Variants in FGF12 observed in about 807,000 individuals in gnomAD.
FGF12 encodes fibroblast growth factor 12B.
FGF12 carries 14 observed loss-of-function variants against 23.6 expected under a neutral mutation model. The observed-to-expected ratio is 0.59, with a 90% confidence interval of 0.39 to 0.93. The LOEUF is 0.93. FGF12 is among the 40% of genes least tolerant of loss of function. The pLI, the probability that FGF12 is intolerant of heterozygous loss-of-function variation, is 0.00. For synonymous variants in FGF12, 62 were observed against 77.3 expected, an observed-to-expected ratio of 0.80 and a Z score of 1.04; for missense variants, 175 against 217.8, an observed-to-expected ratio of 0.80 and a Z score of 1.24.
At chr3:192,352,395 T>C (rs939598379) in intron 3 of FGF12, among the ~76,000 whole-genome samples, 1 of 152,230 alleles carries the variant, frequency 6.6e-6, no homozygotes, top group Non-Finnish European at 1.5e-5. Context: ...AGCCTCACAG[T>C]CTCTGATTCA....
chr3:192,495,139 G>A (rs973576542), intron 2 of FGF12, among the ~76,000 whole-genome samples: 12 of 152,060 alleles, frequency 7.9e-5, no homozygotes, highest in Admixed American at 1.3e-4. Context: ...GATTACAGGC[G>A]TGAGCCACTG....
intron 2 of FGF12, among the ~76,000 whole-genome samples, chr3:192,398,065 A>T (rs1720600774): frequency 6.6e-6 from 1 of 151,784 alleles, no homozygotes; most frequent in East Asian, 1.9e-4. Context: ...AACCCCCTTT[A>T]AAAAAAAATC....
chr3:192,360,626 C>A lies in FGF12; in HGVS notation c.14-88G>T. ...GTTAAAAACATCCTGTAAGTAAATACGTAAATGCCAATAGCTTAAATATTG... is the reference window on the plus strand; with the variant it reads ...GTTAAAAACATCCTGTAAGTAAATAAGTAAATGCCAATAGCTTAAATATTG... On this transcript the variant is annotated intron_variant, in intron 2 of 5. Coordinates refer to ENST00000445105, the MANE Select transcript of FGF12 (RefSeq NM_004113.6). This position sits in a 1 kb window ranked among gnomAD's most constrained non-coding sequence, Gnocchi z 4.3. The A allele has an allele frequency of 1.2e-6, 1 of 851,318 alleles. No homozygotes were observed. Among genetic ancestry groups the A allele is most frequent in the East Asian group, 2.5e-5 (1 of 40,582 alleles). 52.7% of individuals were successfully genotyped at this position (851,318 alleles called of 1,614,324 possible).
intron 2 of FGF12, among the ~76,000 whole-genome samples, chr3:192,381,179 T>C (rs1352738558): frequency 6.6e-6 from 1 of 152,112 alleles, no homozygotes; most frequent in African/African-American, 2.4e-5. Context: ...ACCTAGGTGG[T>C]TGGACATCTT....
At chr3:192,392,977 C>T (rs150320859) in intron 2 of FGF12, among the ~76,000 whole-genome samples, 90 of 152,240 alleles carry the variant, frequency 5.9e-4, no homozygotes, top group African/African-American at 2.1e-3. Context: ...CAGGATAGAG[C>T]AGAATCAAAA....
At position 192,465,123 on chromosome 3, in the gene FGF12, C is replaced by T. The variant is rs189526993; in HGVS notation, c.14-104585G>A. ...ATCTAAATTGGGGCAGATTAAATCCCAATTATTTGTTAAAAACTTATAGAA... is the reference window on the plus strand; with the variant it reads ...ATCTAAATTGGGGCAGATTAAATCCTAATTATTTGTTAAAAACTTATAGAA... On this transcript the variant is annotated intron_variant, in intron 2 of 5. Coordinates refer to ENST00000445105, the MANE Select transcript of FGF12 (RefSeq NM_004113.6). Among the ~76,000 whole-genome samples, 219 of 152,116 alleles carry T rather than the reference C, an allele frequency of 1.4e-3. 1 individual carries two copies. Among genetic ancestry groups the T allele is most frequent in the African/African-American group, 5.0e-3 (208 of 41,500 alleles).
intron 2 of FGF12, among the ~76,000 whole-genome samples, chr3:192,605,989 A>G (rs978505663): frequency 2.0e-5 from 3 of 152,206 alleles, no homozygotes; most frequent in Non-Finnish European, 4.4e-5. Context: ...AAAGAGAACT[A>G]CCATTCAACC....
At chr3:192,607,119 T>C (rs1258215703) in intron 2 of FGF12, among the ~76,000 whole-genome samples, 1 of 152,110 alleles carries the variant, frequency 6.6e-6, no homozygotes, top group Non-Finnish European at 1.5e-5. Context: ...TTCACTGTTG[T>C]TTATTTAACA....
At chr3:192,499,512 ATATATTTTTTTT>A (rs1405207873) in intron 2 of FGF12, among the ~76,000 whole-genome samples, 7 of 44,034 alleles carry the variant, frequency 1.6e-4, no homozygotes, top group African/African-American at 7.5e-4. Flanking sequence ...ATATATATAT[ATATATTTTTTTT>A]TTTTTTTTTT....
chr3:192,225,926 A>G lies in FGF12; in HGVS notation c.229-55270T>C, dbSNP rs1400672794. ...ACAAATCCATACAGACAGATAGTAA[A>G]CTGATGGCTGCCAGGGGCTGGGGGA... On this transcript the variant is annotated intron_variant, in intron 4 of 5. Transcript: ENST00000445105. Among the ~76,000 whole-genome samples, 4 of 152,300 alleles carry G rather than the reference A, an allele frequency of 2.6e-5. No homozygotes were observed. In the South Asian group the frequency reaches 6.2e-4, roughly 24 times the overall value.
chr3:192,371,451 G>A (rs950630306), intron 2 of FGF12, among the ~76,000 whole-genome samples: 1 of 152,188 alleles, frequency 6.6e-6, no homozygotes, highest in African/African-American at 2.4e-5. Flanking sequence ...TTGTGAAATT[G>A]TTTAGATAAC....
At chr3:192,183,226 C>T (rs1489658331) in intron 4 of FGF12, among the ~76,000 whole-genome samples, 2 of 151,764 alleles carry the variant, frequency 1.3e-5, no homozygotes, top group African/African-American at 2.4e-5. Flanking sequence ...GCCCCAACAA[C>T]ATGAAGATAC....
At chr3:192,445,816 C>A (rs115576547) in intron 2 of FGF12, among the ~76,000 whole-genome samples, 2 of 152,186 alleles carry the variant, frequency 1.3e-5, no homozygotes, top group Admixed American at 6.5e-5. Context: ...ACAAACCTCC[C>A]ACCTTCCCTA....
intron 4 of FGF12, among the ~76,000 whole-genome samples, chr3:192,228,593 G>T (rs765653700): frequency 2.6e-5 from 4 of 151,906 alleles, no homozygotes; most frequent in Non-Finnish European, 5.9e-5. Context: ...CCATGCCCTC[G>T]GGTGATTTTT....
chr3:192,276,091 C>G (rs1577310245), intron 4 of FGF12, among the ~76,000 whole-genome samples: 1 of 152,230 alleles, frequency 6.6e-6, no homozygotes, highest in African/African-American at 2.4e-5. Context: ...CATTAAGAAT[C>G]ATCAAACCTT....
intron 2 of FGF12, among the ~76,000 whole-genome samples, chr3:192,472,685 T>A (rs1164648343): frequency 1.3e-5 from 2 of 152,088 alleles, no homozygotes; most frequent in African/African-American, 2.4e-5. Context: ...TCATTCACAC[T>A]CTGCTCCAGG....
At chr3:192,624,306 T>C (rs749986697) in intron 2 of FGF12, among the ~76,000 whole-genome samples, 38 of 152,148 alleles carry the variant, frequency 2.5e-4, no homozygotes, top group African/African-American at 7.2e-4. Context: ...TATATCAACA[T>C]AGGAAAAACA....
chr3:192,486,940 A>C (rs1287647604), intron 2 of FGF12, among the ~76,000 whole-genome samples: 11 of 152,252 alleles, frequency 7.2e-5, no homozygotes, highest in African/African-American at 2.6e-4. Flanking sequence ...AAAATTATTA[A>C]AATCATGAGA....
At chr3:192,616,412 C>T (rs965911075) in intron 2 of FGF12, among the ~76,000 whole-genome samples, 4 of 151,932 alleles carry the variant, frequency 2.6e-5, no homozygotes, top group African/African-American at 7.2e-5. Flanking sequence ...TTATAAAAGC[C>T]TCAGCCATCA....
Sources: gnomAD v4.1 joint callset for allele counts (sites outside exome capture counted in the v4.1 genomes callset) on GRCh38, gnomAD v4.1.1 for gene constraint, Gnocchi (gnomAD v3.1) non-coding constraint, MANE v1.5 for transcripts, NCBI Gene and HGNC (gene_info 2026-07-23, HGNC 2026-07-21) for gene names.